Variants in NAV2 observed in about 807,000 individuals in gnomAD.
The protein encoded by NAV2 is neuron navigator 2, also known as helicase, APC down-regulated 1.
NAV2 carries 54 observed loss-of-function variants against 223.2 expected under a neutral mutation model. The observed-to-expected ratio is 0.24, with a 90% CI of 0.19 to 0.30. NAV2 has a LOEUF of 0.30. NAV2 is among the 10% of genes least tolerant of loss of function. The pLI, the probability that NAV2 is intolerant of heterozygous loss-of-function variation, is 1.00. For synonymous variants in NAV2, 1,279 were observed against 1,239.3 expected (o/e 1.03, Z -0.67); for missense variants, 2,806 against 3,147.5 (o/e 0.89, Z 2.60).
intron 1 of NAV2, among the ~76,000 whole-genome samples, chr11:19,572,539 A>G (rs1565061995): frequency 6.6e-6 from 1 of 152,222 alleles, no homozygotes; most frequent in Non-Finnish European, 1.5e-5. Flanking sequence ...GGGAAACAGC[A>G]TGGCTTTTGG....
chr11:20,002,751 G>A (rs1028627224), intron 11 of NAV2, among the ~76,000 whole-genome samples: 9 of 152,070 alleles, frequency 5.9e-5, no homozygotes, highest in African/African-American at 1.4e-4. Flanking sequence ...AGCCACCTCC[G>A]GTAGCTGTGT....
chr11:19,777,361 G>C, intron 1 of NAV2: 4 of 406,632 alleles, frequency 9.8e-6, no homozygotes, highest in Admixed American at 2.8e-5. Context: ...GGAGACCCGG[G>C]ACTGGACGGC....
At chr11:19,376,518 C>T (rs1590077857) in intron 1 of NAV2, among the ~76,000 whole-genome samples, 3 of 152,284 alleles carry the variant, frequency 2.0e-5, no homozygotes, top group South Asian at 2.1e-4. Flanking sequence ...GGACTCGAAC[C>T]CAACTTCTCT....
At chr11:19,620,988 T>C (rs1453273791) in intron 1 of NAV2, among the ~76,000 whole-genome samples, 1 of 152,166 alleles carries the variant, frequency 6.6e-6, no homozygotes, top group Non-Finnish European at 1.5e-5. Context: ...TGAATTTTGT[T>C]GAAGGCCTTT....
At chr11:19,628,080 G>A (rs2047223184) in intron 1 of NAV2, among the ~76,000 whole-genome samples, 3 of 152,174 alleles carry the variant, frequency 2.0e-5, no homozygotes. Context: ...CCACTGGGGA[G>A]AATCTCCTGT....
In NAV2 at chr11:19,607,748, A is replaced by T. The variant is rs576737200; in HGVS notation, c.76-224736A>T. On this transcript the variant is annotated intron_variant, in intron 1 of 37. Coordinates refer to the NAV2 transcript ENST00000360655. ...GATTTGAGATGGGAACTCAGATTAC[A>T]GACTTCATAATCACAGCTTGGAAGA... 7.2e-5 allele frequency among the ~76,000 whole-genome samples: 11 copies of T among 152,354 alleles called. No individual in the cohort carries two copies. The South Asian group carries it at 2.3e-3, about 32-fold the overall frequency.
chr11:19,860,128 C>A (rs374934511), intron 3 of NAV2, among the ~76,000 whole-genome samples: 3 of 132,762 alleles, frequency 2.3e-5, no homozygotes, highest in South Asian at 2.6e-4. Context: ...CGGGCAGAGG[C>A]GCCCCTCACC....
At chr11:19,797,550 T>C (rs1224029660) in intron 1 of NAV2, among the ~76,000 whole-genome samples, 1 of 152,214 alleles carries the variant, frequency 6.6e-6, no homozygotes, top group Non-Finnish European at 1.5e-5. Flanking sequence ...TTGACCATGA[T>C]GTGGAAGATT....
intron 1 of NAV2, among the ~76,000 whole-genome samples, chr11:19,531,745 G>A (rs567135572): frequency 6.6e-6 from 1 of 152,270 alleles, no homozygotes; most frequent in South Asian, 2.1e-4. Flanking sequence ...GAATTCAAGG[G>A]TGTGTTCTAG....
intron 1 of NAV2, among the ~76,000 whole-genome samples, chr11:19,513,184 G>C (rs2043333684): frequency 6.6e-6 from 1 of 152,184 alleles, no homozygotes; most frequent in Non-Finnish European, 1.5e-5. Context: ...TTGCTGACTT[G>C]TTTGGTGGTG....
chr11:19,863,585 A>T (rs2061918044), intron 3 of NAV2, among the ~76,000 whole-genome samples: 1 of 151,782 alleles, frequency 6.6e-6, no homozygotes, highest in South Asian at 2.1e-4. Context: ...CAGACAAAAA[A>T]CCCTATCCAT....
chr11:19,685,061 C>A (rs535155216), intron 1 of NAV2, among the ~76,000 whole-genome samples: 2 of 152,298 alleles, frequency 1.3e-5, no homozygotes, highest in South Asian at 4.1e-4. Context: ...AGGATGAGAG[C>A]AAGACCCAAA....
chr11:20,116,172 T>C (rs555686963), intron 37 of NAV2, among the ~76,000 whole-genome samples: 4 of 152,164 alleles, frequency 2.6e-5, no homozygotes, highest in Non-Finnish European at 5.9e-5. Flanking sequence ...TTACATTACC[T>C]AATGAAAGAA....
At chr11:19,659,452 T>G (rs2048215142) in intron 1 of NAV2, among the ~76,000 whole-genome samples, 1 of 151,618 alleles carries the variant, frequency 6.6e-6, no homozygotes, top group Admixed American at 6.6e-5. Context: ...TGCTGGGGGG[T>G]GATGTGCTCT....
chr11:19,389,665 G>A (rs886594281), intron 1 of NAV2, among the ~76,000 whole-genome samples: 13 of 152,148 alleles, frequency 8.5e-5, no homozygotes, highest in Admixed American at 2.0e-4. Flanking sequence ...GTGAATGGTC[G>A]GTGCAGTGTA....
intron 1 of NAV2, among the ~76,000 whole-genome samples, chr11:19,723,425 C>T (rs1054126327): frequency 2.6e-5 from 4 of 152,126 alleles, no homozygotes; most frequent in Non-Finnish European, 5.9e-5. Context: ...CTTTCTGATT[C>T]CCAAACCTGT....
rs532971554 is a variant in NAV2 at position 19,884,199 on chromosome 11, ATCCCC to A, written c.770+4073_770+4077del. The A allele has an allele frequency of 6.2e-4, 539 of 866,794 alleles. 3 individuals carry two copies. The African/African-American group carries it at 6.5e-3, about 10-fold the overall frequency. The allele number at this position is 866,794 out of a possible 1,614,324, so 53.7% of individuals were successfully genotyped here. A position where few individuals can be genotyped will look rare whatever the true frequency, so the allele number is the denominator to read the frequency against. ...GGCAGGGGGGGAAAGAAACAGCAAC[ATCCCC>A]ATTGTCAGAAGACTCTTAGGATTTG... On this transcript the variant is annotated intron_variant, in intron 5 of 37. Transcript: ENST00000349880.
intron 11 of NAV2, among the ~76,000 whole-genome samples, chr11:20,023,559 C>T (rs901695605): frequency 2.0e-5 from 3 of 152,018 alleles, no homozygotes; most frequent in Non-Finnish European, 2.9e-5. Flanking sequence ...AGGGGTGAGC[C>T]GGAAAAAGGC....
rs184178775 is a variant in NAV2 at position 19,428,960 on chromosome 11, T to C, written c.75+77933T>C. On this transcript the variant is annotated intron_variant, in intron 1 of 37. Coordinates refer to the NAV2 transcript ENST00000360655. ...AGGTTAGAAACGCCTTCCTGCTAGC[T>C]CCACTACACAGCCAAGGAATTCAAA... Among the ~76,000 whole-genome samples, 199 of 152,332 alleles carry C rather than the reference T, an allele frequency of 1.3e-3. 1 individual carries two copies. Among genetic ancestry groups the C allele is most frequent in the African/African-American group, 4.4e-3 (185 of 41,584 alleles).
Sources: allele counts gnomAD v4.1 joint callset (sites outside exome capture counted in the v4.1 genomes callset), GRCh38; gene constraint gnomAD v4.1.1; transcripts MANE v1.5; gene names NCBI Gene and HGNC (gene_info 2026-07-23, HGNC 2026-07-21).